The following MAPRE3 variants were observed in gnomAD, a reference collection of about 807,000 sequenced individuals.
MAPRE3 encodes the protein microtubule associated protein RP/EB family member 3, also known as microtubule-associated protein RP/EB family member 3.
MAPRE3 carries 2 observed loss-of-function variants against 30.5 expected under a neutral mutation model. The ratio of observed to expected loss-of-function variants is 0.07; its 90% confidence interval spans 0.03 to 0.21. MAPRE3 has a LOEUF of 0.21. Ranked by LOEUF, MAPRE3 falls within the 10% of genes least tolerant of loss-of-function variation. The pLI is 1.00. For missense variants in MAPRE3, 204 were observed against 351.8 expected, an observed-to-expected ratio of 0.58 and a Z score of 3.36; for synonymous variants, 110 against 127.7, an observed-to-expected ratio of 0.86 and a Z score of 0.93.
chr2:26,990,225 A>G (rs1339708255), intron 1 of MAPRE3, among the ~76,000 whole-genome samples: 1 of 152,194 alleles, frequency 6.6e-6, no homozygotes, highest in Non-Finnish European at 1.5e-5. Flanking sequence ...AGTTTGAAGA[A>G]CAGTGTAGCT....
Position 26,995,780 on chromosome 2 carries a change from G to GGTGTGTGTGTGTGTGTGTGTGT in MAPRE3, c.-8+25007_-8+25028dup, listed in dbSNP as rs1276648645. ...AATACCTGAGGGTCTTTCTAAGAGA[G>GGTGTGTGTGTGTGTGTGTGTGT]GTGTGTGTGTGTGTGTGTGTGTGTG... On this transcript the variant is annotated intron_variant, in intron 1 of 6. Coordinates refer to ENST00000233121, the MANE Select transcript of MAPRE3 (RefSeq NM_012326.4). 3.8e-3 allele frequency among the ~76,000 whole-genome samples: 419 copies of GGTGTGTGTGTGTGTGTGTGTGT among 109,682 alleles called. 21 individuals are homozygous for GGTGTGTGTGTGTGTGTGTGTGT. Among genetic ancestry groups the GGTGTGTGTGTGTGTGTGTGTGT allele is most frequent in the East Asian group, 0.014 (41 of 2,876 alleles). 72.0% of individuals were successfully genotyped at this position (109,682 alleles called of 152,430 possible). A position where few individuals can be genotyped will look rare whatever the true frequency, so the allele number is the denominator to read the frequency against.
intron 1 of MAPRE3, chr2:27,013,946 T>C (rs1214910362): frequency 6.6e-6 from 1 of 152,262 alleles, no homozygotes; most frequent in Non-Finnish European, 1.5e-5. Context: ...ATCATTCTGA[T>C]GCTTCATGAG....
intron 2 of MAPRE3, 21 bp downstream of exon 2, chr2:27,022,360 G>A: frequency 6.2e-7 from 1 of 1,611,706 alleles, no homozygotes; most frequent in African/African-American, 1.3e-5. Context: ...GGGAATATGG[G>A]AAGTGGCCCT....
In MAPRE3 at chr2:27,025,863, A is replaced by C; in HGVS notation, c.625-17A>C. 1 of 1,614,082 alleles carries C rather than the reference A, an allele frequency of 6.2e-7. No individual in the cohort carries two copies. Among genetic ancestry groups the C allele is most frequent in the Non-Finnish European group, 8.5e-7 (1 of 1,179,994 alleles). On this transcript the variant is annotated splice_polypyrimidine_tract_variant and intron_variant, in intron 5 of 6. Coordinates refer to ENST00000233121, the MANE Select transcript of MAPRE3 (RefSeq NM_012326.4). Reference sequence around the variant, plus strand: ...GGTGGGGACCTCTGGCTTGAACATCACTTTGTCCCCAAGCAGCTGGTGGAC... The same window carrying C: ...GGTGGGGACCTCTGGCTTGAACATCCCTTTGTCCCCAAGCAGCTGGTGGAC...
At position 26,985,018 on chromosome 2, in the gene MAPRE3, G is replaced by C. The variant is rs1666191339; in HGVS notation, c.-8+14216G>C. On this transcript the variant is annotated intron_variant, in intron 1 of 6. Transcript: ENST00000233121. This position sits in a 1 kb window ranked among gnomAD's most constrained non-coding sequence, Gnocchi z 4.2. ...AAGATCAAAATGAAACTCTGCCTTA[G>C]CTAAACTTACCCACAGGTGTCTAAA... The C allele has an allele frequency of 6.6e-6, 1 of 152,220 alleles. No individual in the cohort carries two copies. The highest frequency in any genetic ancestry group is 1.5e-5 in the Non-Finnish European group (1 of 68,056). The allele number at this position is 152,220 out of a possible 1,614,324, so 9.4% of individuals were successfully genotyped here.
chr2:26,977,538 ACT>A (rs1458985037), intron 1 of MAPRE3, among the ~76,000 whole-genome samples: 2 of 151,632 alleles, frequency 1.3e-5, no homozygotes, highest in African/African-American at 4.9e-5. Flanking sequence ...GTTTCAAAAG[ACT>A]CTGCCCAGGC....
intron 1 of MAPRE3, among the ~76,000 whole-genome samples, chr2:26,972,093 G>C (rs924995587): frequency 6.6e-6 from 1 of 152,172 alleles, no homozygotes; most frequent in Non-Finnish European, 1.5e-5. Context: ...CAACTTGAGG[G>C]CCCCTAACTA....
intron 1 of MAPRE3, among the ~76,000 whole-genome samples, chr2:27,007,321 T>C (rs1169378188): frequency 6.6e-6 from 1 of 152,206 alleles, no homozygotes; most frequent in African/African-American, 2.4e-5. Context: ...TGGACTTGGT[T>C]AAGTTATCCT....
intron 1 of MAPRE3, among the ~76,000 whole-genome samples, chr2:27,000,745 G>A (rs917750881): frequency 6.6e-6 from 1 of 152,194 alleles, no homozygotes; most frequent in Admixed American, 6.5e-5. Flanking sequence ...GCTGGTGAAG[G>A]TGGACCTCAG....
At chr2:27,025,816 G>C (rs929196274) in intron 5 of MAPRE3, 64 bp from the exon 6 acceptor site, 1 of 1,613,666 alleles carries the variant, frequency 6.2e-7, no homozygotes, top group East Asian at 2.2e-5. Context: ...GGGACGAGAG[G>C]AGGGCAGGCA....
intron 1 of MAPRE3, among the ~76,000 whole-genome samples, chr2:27,000,242 G>C (rs1298902467): frequency 6.6e-6 from 1 of 152,212 alleles, no homozygotes; most frequent in Non-Finnish European, 1.5e-5. Flanking sequence ...GACCAGGTGA[G>C]TACTGTGAGA....
chr2:27,026,581 A>C lies in MAPRE3; in HGVS notation c.*233A>C. On this transcript the variant is annotated 3_prime_UTR_variant, in exon 7 of 7. Coordinates refer to ENST00000233121, the MANE Select transcript of MAPRE3 (RefSeq NM_012326.4). ...ACCCCTGTCCACACCCACCCTATTT[A>C]TTTCCGTTGTCTCTCTGCTGTGTCG... 2.1e-6 allele frequency: 1 copy of C among 466,256 alleles called. No individual in the cohort carries two copies. Among genetic ancestry groups the C allele is most frequent in the Non-Finnish European group, 3.8e-6 (1 of 265,392 alleles). The allele number at this position is 466,256 out of a possible 1,614,324, so 28.9% of individuals were successfully genotyped here.
At chr2:26,998,858 A>G (rs1666523580) in intron 1 of MAPRE3, among the ~76,000 whole-genome samples, 4 of 152,196 alleles carry the variant, frequency 2.6e-5, no homozygotes, top group African/African-American at 9.7e-5. Context: ...TCTTCTGCCA[A>G]ATATCTTCCA....
At chr2:26,981,883 G>A (rs990019520) in intron 1 of MAPRE3, among the ~76,000 whole-genome samples, 3 of 152,158 alleles carry the variant, frequency 2.0e-5, no homozygotes, top group South Asian at 2.1e-4. Context: ...GTGCTGTTGC[G>A]TGAGTCTGGT....
At chr2:26,978,519 T>G (rs1168016614) in intron 1 of MAPRE3, among the ~76,000 whole-genome samples, 1 of 152,208 alleles carries the variant, frequency 6.6e-6, no homozygotes, top group East Asian at 1.9e-4. Flanking sequence ...TTTAGATGCT[T>G]AGAGCTCATA....
At position 27,026,681 on chromosome 2, in the gene MAPRE3, T is replaced by C; in HGVS notation, c.*333T>C. ...CTCCTGACAGCCAGCAGCTGTGTAT[T>C]TGACAAAGTCATTGGTATATTTTTA... On this transcript the variant is annotated 3_prime_UTR_variant, in exon 7 of 7. Transcript: ENST00000233121. 3.3e-6 allele frequency: 1 copy of C among 300,212 alleles called. No homozygotes were observed. Among genetic ancestry groups the C allele is most frequent in the Non-Finnish European group, 6.1e-6 (1 of 163,484 alleles). 18.6% of individuals were successfully genotyped at this position (300,212 alleles called of 1,614,324 possible). A position where few individuals can be genotyped will look rare whatever the true frequency, so the allele number is the denominator to read the frequency against.
chr2:27,022,346 G>A lies in MAPRE3; in HGVS notation c.121+7G>A. ...ATAGAACAGCTTTGTTCAGGTAGGAGGCTGGGAATATGGGAAGTGGCCCTG... is the reference window on the plus strand; with the variant it reads ...ATAGAACAGCTTTGTTCAGGTAGGAAGCTGGGAATATGGGAAGTGGCCCTG... On this transcript the variant is annotated splice_region_variant and intron_variant, in intron 2 of 6. Transcript: ENST00000233121. 1 of 1,612,960 alleles carries A rather than the reference G, an allele frequency of 6.2e-7. No individual in the cohort carries two copies. The highest frequency in any genetic ancestry group is 8.5e-7 in the Non-Finnish European group (1 of 1,179,234).
intron 1 of MAPRE3, among the ~76,000 whole-genome samples, chr2:27,016,659 C>G (rs1666995273): frequency 2.0e-5 from 3 of 152,170 alleles, no homozygotes; most frequent in Admixed American, 2.0e-4. Context: ...GCTGGGATTA[C>G]AGGCGTGAGC....
In MAPRE3 at chr2:27,026,418, A is replaced by G. The variant is rs1350236223; in HGVS notation, c.*70A>G. 1.9e-5 allele frequency: 25 copies of G among 1,319,964 alleles called. No homozygotes were observed. The South Asian group carries it at 2.7e-4, about 14-fold the overall frequency. The allele number at this position is 1,319,964 out of a possible 1,614,324, so 81.8% of individuals were successfully genotyped here. ...CCTCCCTGCTCCACTCCCACATTAT[A>G]GTCCTTTCCTAACACGGTCGGCCGG... On this transcript the variant is annotated 3_prime_UTR_variant, in exon 7 of 7. Coordinates refer to ENST00000233121, the MANE Select transcript of MAPRE3 (RefSeq NM_012326.4).
Sources: allele counts gnomAD v4.1 joint callset (sites outside exome capture counted in the v4.1 genomes callset), GRCh38; gene constraint gnomAD v4.1.1; non-coding constraint Gnocchi (gnomAD v3.1); transcripts MANE v1.5; gene names NCBI Gene and HGNC (gene_info 2026-07-23, HGNC 2026-07-21).